Variants in MYO1H observed in about 807,000 individuals in gnomAD.
MYO1H encodes the protein unconventional myosin-Ih.
A neutral mutation model predicts 149.3 loss-of-function variants in MYO1H; 118 were observed. The observed-to-expected ratio is 0.79, with a 90% CI of 0.68 to 0.92. MYO1H has a LOEUF of 0.92. MYO1H is among the 40% of genes least tolerant of loss of function. The pLI is 0.00. For synonymous variants in MYO1H, 447 were observed against 465.2 expected (o/e 0.96, Z 0.50); for missense variants, 1,212 against 1,280.7 (o/e 0.95, Z 0.82).
intron 19 of MYO1H, among the ~76,000 whole-genome samples, chr12:109,431,829 C>A (rs1408684656): frequency 6.6e-6 from 1 of 151,842 alleles, no homozygotes; most frequent in Non-Finnish European, 1.5e-5. Context: ...AGCATGGAAC[C>A]CTTTCTTTCT....
At chr12:109,334,828 T>G in the MYO1H span, among the ~76,000 whole-genome samples, 1 of 151,114 alleles carries the variant, frequency 6.6e-6, no homozygotes, top group African/African-American at 2.4e-5. Context: ...GTACAATAGG[T>G]TGTAAAAGGG....
At chr12:109,395,902 TTGTTGTTGTTGA>T (rs1869876711) in intron 3 of MYO1H, among the ~76,000 whole-genome samples, 1 of 90,038 alleles carries the variant, frequency 1.1e-5, no homozygotes. Flanking sequence ...TTGGTTTGTT[TTGTTGTTGTTGA>T]TGTTGTTGTT....
the MYO1H span, among the ~76,000 whole-genome samples, chr12:109,314,826 G>A: frequency 6.6e-6 from 1 of 152,042 alleles, no homozygotes; most frequent in Admixed American, 6.6e-5. Context: ...TAATCAAGTT[G>A]GCTGGGCTCA....
chr12:109,443,442 A>G, intron 27 of MYO1H, 72 bp from the exon 28 acceptor site: 1 of 1,553,314 alleles, frequency 6.4e-7, no homozygotes, highest in East Asian at 2.3e-5. Context: ...ACATCACTTT[A>G]CCGGTGTCTG....
intron 8 of MYO1H, 25 bp from the exon 9 acceptor site, chr12:109,406,764 C>T: frequency 1.2e-6 from 2 of 1,605,536 alleles, no homozygotes; most frequent in Non-Finnish European, 1.7e-6. Context: ...CACTGAATAG[C>T]ATTCTGGATT....
exon 32 of MYO1H, chr12:109,447,478 C>T: frequency 2.0e-6 from 1 of 507,264 alleles, no homozygotes; most frequent in Non-Finnish European, 3.6e-6. Flanking sequence ...TCCAACGTGT[C>T]ATTAGAGGGT....
At chr12:109,371,175 A>G (rs1321356860) in intron 1 of MYO1H, among the ~76,000 whole-genome samples, 1 of 145,226 alleles carries the variant, frequency 6.9e-6, no homozygotes, top group African/African-American at 2.5e-5. Flanking sequence ...ATAAGCATCT[A>G]TGTGTACACA....
chr12:109,404,498 A>G (rs1870294583), intron 7 of MYO1H, among the ~76,000 whole-genome samples: 1 of 152,298 alleles, frequency 6.6e-6, no homozygotes, highest in Admixed American at 6.5e-5. Context: ...ACAAAACCAA[A>G]AGCAAAAATA....
upstream of MYO1H, among the ~76,000 whole-genome samples, chr12:109,346,340 G>T (rs1396514577): frequency 6.6e-6 from 1 of 152,038 alleles, no homozygotes; most frequent in Non-Finnish European, 1.5e-5. Context: ...GAAGGTCCTG[G>T]AACCAATCCC....
chr12:109,316,894 G>A, the MYO1H span, among the ~76,000 whole-genome samples: 1 of 152,114 alleles, frequency 6.6e-6, no homozygotes, highest in Non-Finnish European at 1.5e-5. Context: ...ATATAGAAAT[G>A]TTCTTTCAGT....
At chr12:109,401,119 C>T in exon 6 of MYO1H, 1 of 1,613,914 alleles carries the variant, frequency 6.2e-7, no homozygotes, top group South Asian at 1.1e-5. Context: ...GGCATATCAT[C>T]AGTTACTTGA....
At chr12:109,443,676 A>G in intron 28 of MYO1H, 27 bp downstream of exon 28, 1 of 1,612,382 alleles carries the variant, frequency 6.2e-7, no homozygotes. Flanking sequence ...CTTTAAAACA[A>G]TGCACTGAGT....
the MYO1H span, among the ~76,000 whole-genome samples, chr12:109,322,755 G>A: frequency 2.7e-5 from 4 of 149,076 alleles, no homozygotes; most frequent in Non-Finnish European, 5.9e-5. Context: ...GGGAGGCGGA[G>A]GTTCTAGTGA....
exon 4 of MYO1H, chr12:109,396,562 T>C: frequency 6.2e-7 from 1 of 1,613,088 alleles, no homozygotes; most frequent in Non-Finnish European, 8.5e-7. Context: ...CAGACTGCTG[T>C]TCTCCAACCC....
At position 109,379,729 on chromosome 12, in the gene MYO1H, C is replaced by CTT. The variant is rs35773327; in HGVS notation, c.13-8933_13-8932dup. Among the ~76,000 whole-genome samples, 436 of 103,452 alleles carry CTT rather than the reference C, an allele frequency of 4.2e-3. 1 individual carries two copies. The highest frequency in any genetic ancestry group is 7.0e-3 in the African/African-American group (195 of 27,714). 67.9% of individuals were successfully genotyped at this position (103,452 alleles called of 152,430 possible). ...AAGAAACTGTTTTAGCAATTTTAACCTTTTTTTTTTTTTTTTTTTTTTGAG... is the reference window on the plus strand; with the variant it reads ...AAGAAACTGTTTTAGCAATTTTAACCTTTTTTTTTTTTTTTTTTTTTTTTGAG... On this transcript the variant is annotated intron_variant, in intron 1 of 31. Coordinates refer to ENST00000310903, the Ensembl canonical transcript of MYO1H.
At chr12:109,406,575 G>A (rs571052639) in intron 8 of MYO1H, among the ~76,000 whole-genome samples, 105 of 151,270 alleles carry the variant, frequency 6.9e-4, no homozygotes, top group Non-Finnish European at 7.2e-4. Flanking sequence ...ACTTCAGCCC[G>A]GGAGGTGGAG....
At chr12:109,360,468 C>G (rs368682891) in intron 1 of MYO1H, among the ~76,000 whole-genome samples, 1 of 152,196 alleles carries the variant, frequency 6.6e-6, no homozygotes, top group East Asian at 1.9e-4. Context: ...GTCTCTCTCT[C>G]TCTCTTCACT....
the MYO1H span, among the ~76,000 whole-genome samples, chr12:109,340,610 T>A: frequency 6.6e-6 from 1 of 152,190 alleles, no homozygotes; most frequent in South Asian, 2.1e-4. Flanking sequence ...TATAAAATCA[T>A]ACAGTAAAAG....
intron 27 of MYO1H, 128 bp downstream of exon 27, chr12:109,442,400 C>A: frequency 4.2e-6 from 3 of 715,566 alleles, no homozygotes; most frequent in Non-Finnish European, 7.4e-6. Context: ...GGGCTCTCAA[C>A]TGTGATGCTT....
Sources: allele counts gnomAD v4.1 joint callset (sites outside exome capture counted in the v4.1 genomes callset), GRCh38; gene constraint gnomAD v4.1.1; transcripts MANE v1.5; gene names NCBI Gene and HGNC (gene_info 2026-07-23, HGNC 2026-07-21).